Variants in PPARD observed in about 807,000 individuals in gnomAD.
PPARD encodes the protein peroxisome proliferator activated receptor delta, also known as peroxisome proliferator-activated receptor delta.
In PPARD, 6 loss-of-function variants were observed where a neutral mutation model predicts 39.5. The ratio of observed to expected loss-of-function variants is 0.15; its 90% confidence interval spans 0.08 to 0.30. The LOEUF (loss-of-function observed/expected upper bound fraction) is 0.30, where lower values mean the gene tolerates loss of function less well. Ranked by LOEUF, PPARD falls within the 10% of genes least tolerant of loss-of-function variation. PPARD has a pLI of 1.00. For synonymous variants in PPARD, 210 were observed against 231.3 expected (o/e 0.91, Z 0.83); for missense variants, 397 against 596.8 (o/e 0.67, Z 3.49).
In PPARD at chr6:35,427,377, G is replaced by C. The variant is rs889596081; in HGVS notation, c.*1298G>C. ...CTGGGCCAGGTCTCCGGGGAGGCAG[G>C]GGTCCTGCAGGTCCTGGTGGGTCAG... is the stretch of plus-strand genomic sequence containing the variant. On this transcript the variant is annotated 3_prime_UTR_variant, in exon 8 of 8. Transcript: ENST00000360694. 6.6e-6 allele frequency: 1 copy of C among 152,616 alleles called. No individual in the cohort carries two copies. The highest frequency in any genetic ancestry group is 2.4e-5 in the African/African-American group (1 of 41,470). 9.5% of individuals were successfully genotyped at this position (152,616 alleles called of 1,614,324 possible).
chr6:35,424,236 C>A lies in PPARD; in HGVS notation c.627+88C>A. 6.3e-7 allele frequency: 1 copy of A among 1,591,568 alleles called. No individual in the cohort carries two copies. Among genetic ancestry groups the A allele is most frequent in the South Asian group, 1.1e-5 (1 of 88,228 alleles). On this transcript the variant is annotated intron_variant, in intron 6 of 7. Transcript: ENST00000360694. The surrounding 1 kb of genome is among the most constrained non-coding windows in gnomAD (Gnocchi z 7.1). ...TGACTCCGGGAGAGCCAGGCCTTCT[C>A]CCTCCCTCAACTTCATGGTGCAGGC...
At position 35,375,270 on chromosome 6, in the gene PPARD, T is replaced by C. The variant is rs547854607; in HGVS notation, c.-102+28120T>C. Among the ~76,000 whole-genome samples, 64 of 130,430 alleles carry C rather than the reference T, an allele frequency of 4.9e-4. 5 individuals are homozygous for C. Among genetic ancestry groups the C allele is most frequent in the Middle Eastern group, 9.9e-3 (2 of 202 alleles). The allele number at this position is 130,430 out of a possible 152,430, so 85.6% of individuals were successfully genotyped here. On this transcript the variant is annotated intron_variant, in intron 2 of 7. Coordinates refer to ENST00000360694, the MANE Select transcript of PPARD (RefSeq NM_006238.5). ...TCTTGCTCTGTCACCCAGGCTGGAGTGCAGTGGTGTAATCTCAGCTCAGCG... is the reference window on the plus strand; with the variant it reads ...TCTTGCTCTGTCACCCAGGCTGGAGCGCAGTGGTGTAATCTCAGCTCAGCG...
intron 2 of PPARD, among the ~76,000 whole-genome samples, chr6:35,352,420 A>G (rs952987791): frequency 6.6e-6 from 1 of 151,510 alleles, no homozygotes; most frequent in African/African-American, 2.4e-5. Context: ...TCCTGACCTC[A>G]TGATCTGCCC....
intron 2 of PPARD, among the ~76,000 whole-genome samples, chr6:35,361,592 A>C (rs1460755132): frequency 1.3e-5 from 2 of 152,184 alleles, no homozygotes; most frequent in Non-Finnish European, 2.9e-5. Flanking sequence ...ACCTGAGTCC[A>C]GTGATTGTTT....
At chr6:35,408,306 T>C (rs1215140701) in intron 2 of PPARD, among the ~76,000 whole-genome samples, 1 of 152,194 alleles carries the variant, frequency 6.6e-6, no homozygotes, top group Non-Finnish European at 1.5e-5. Flanking sequence ...ACACTGTAGC[T>C]GCAAGAGAGC....
chr6:35,424,367 A>G lies in PPARD; in HGVS notation c.666A>G (p.Ala222=), dbSNP rs1257039633. 6.2e-7 allele frequency: 1 copy of G among 1,612,800 alleles called. No homozygotes were observed. The highest frequency in any genetic ancestry group is 8.5e-7 in the Non-Finnish European group (1 of 1,179,064). The change falls in exon 7 of 8, where the codon GCA becomes GCG. Residue 222 remains alanine, a synonymous_variant. Transcript: ENST00000360694. The surrounding 1 kb of genome is among the most constrained non-coding windows in gnomAD (Gnocchi z 7.1). Reference sequence around the variant, plus strand: ...ACGACATCGAGACATTGTGGCAGGCAGAGAAGGGGCTGGTGTGGAAGCAGT... The same window carrying G: ...ACGACATCGAGACATTGTGGCAGGCGGAGAAGGGGCTGGTGTGGAAGCAGT... ...VIHDIETLWQ[A]EKGLVWKQLV... is the part of the protein sequence containing the mutation.
chr6:35,384,314 C>G (rs1461034579), intron 2 of PPARD, among the ~76,000 whole-genome samples: 35 of 118,386 alleles, frequency 3.0e-4, no homozygotes, highest in East Asian at 8.9e-4. Flanking sequence ...GAGGTCGGGG[C>G]GTCAGCCTCC....
At chr6:35,369,960 A>G (rs935900498) in intron 2 of PPARD, among the ~76,000 whole-genome samples, 9 of 152,204 alleles carry the variant, frequency 5.9e-5, no homozygotes, top group African/African-American at 2.2e-4. Flanking sequence ...ATATGTGCAA[A>G]TTTTGAATGA....
Position 35,427,112 on chromosome 6 carries a change from GC to G in PPARD, c.*1036del. ...CCGCCAGCACTCCCACTGCCCCCCT[GC>G]CCAGTAGCAGCCGCCCACATTGTGT... On this transcript the variant is annotated 3_prime_UTR_variant, in exon 8 of 8. Transcript: ENST00000360694. The G allele has an allele frequency of 6.5e-6, 1 of 153,548 alleles. No homozygotes were observed. Among genetic ancestry groups the G allele is most frequent in the Non-Finnish European group, 1.5e-5 (1 of 68,960 alleles). The allele number at this position is 153,548 out of a possible 1,614,324, so 9.5% of individuals were successfully genotyped here.
At chr6:35,398,032 GGTACTTAATATA>G (rs2150711150) in intron 2 of PPARD, among the ~76,000 whole-genome samples, 1 of 152,296 alleles carries the variant, frequency 6.6e-6, no homozygotes, top group African/African-American at 2.4e-5. Context: ...CCGTGTGCCT[GGTACTTAATATA>G]CCAGAAGGAG....
intron 3 of PPARD, among the ~76,000 whole-genome samples, chr6:35,419,879 C>A (rs952301871): frequency 1.3e-5 from 2 of 152,218 alleles, no homozygotes; most frequent in African/African-American, 4.8e-5. Context: ...ATGGTAATAG[C>A]TGCTGTGTAC....
chr6:35,350,915 C>T (rs59654131), intron 2 of PPARD, among the ~76,000 whole-genome samples: 14,499 of 152,246 alleles, frequency 0.095, 1,263 homozygotes, highest in African/African-American at 0.23. Flanking sequence ...GCATGAGCCA[C>T]CGCGCCTGGG....
At chr6:35,388,938 C>A (rs1250119267) in intron 2 of PPARD, among the ~76,000 whole-genome samples, 1 of 152,208 alleles carries the variant, frequency 6.6e-6, no homozygotes, top group East Asian at 1.9e-4. Flanking sequence ...CAGTGCCTGC[C>A]CTCTGTGGGC....
intron 2 of PPARD, among the ~76,000 whole-genome samples, chr6:35,355,312 C>T (rs1245268765): frequency 2.0e-5 from 3 of 151,988 alleles, no homozygotes; most frequent in East Asian, 1.9e-4. Context: ...TATCTGGGCA[C>T]GGTGGCGCAC....
At chr6:35,374,007 T>C (rs1390517518) in intron 2 of PPARD, among the ~76,000 whole-genome samples, 1 of 152,132 alleles carries the variant, frequency 6.6e-6, no homozygotes, top group East Asian at 1.9e-4. Context: ...GGGCACTGGG[T>C]AACTGATTAC....
At chr6:35,407,864 C>T (rs924348716) in intron 2 of PPARD, among the ~76,000 whole-genome samples, 2 of 151,002 alleles carry the variant, frequency 1.3e-5, no homozygotes, top group African/African-American at 4.9e-5. Context: ...TGCTAGGGTC[C>T]TTTTTCCAGT....
chr6:35,352,822 A>G (rs1437544987), intron 2 of PPARD, among the ~76,000 whole-genome samples: 1 of 152,338 alleles, frequency 6.6e-6, no homozygotes, highest in Non-Finnish European at 1.5e-5. Context: ...GAGCAGAAGC[A>G]TTCCCAAAAT....
In PPARD at chr6:35,426,487, T is replaced by G; in HGVS notation, c.*408T>G. ...ACAGGACCTCTGCTTTTGCACACCT[T>G]TTCCCCAGGAGCAGAAGAGAGTGGG... is the stretch of plus-strand genomic sequence containing the variant. On this transcript the variant is annotated 3_prime_UTR_variant, in exon 8 of 8. Coordinates refer to ENST00000360694, the MANE Select transcript of PPARD (RefSeq NM_006238.5). The G allele has an allele frequency of 5.0e-6, 1 of 199,226 alleles. No homozygotes were observed. Among genetic ancestry groups the G allele is most frequent in the Non-Finnish European group, 1.0e-5 (1 of 97,306 alleles). 12.3% of individuals were successfully genotyped at this position (199,226 alleles called of 1,614,324 possible).
Position 35,424,125 on chromosome 6 carries a change from A to C in PPARD, c.604A>C (p.Thr202Pro), listed in dbSNP as rs1766407639. The change falls in exon 6 of 8, where the codon ACC becomes CCC. Residue 202 changes from threonine (T) to proline (P), a missense_variant. Coordinates refer to ENST00000360694, the MANE Select transcript of PPARD (RefSeq NM_006238.5). The surrounding 1 kb of genome is among the most constrained non-coding windows in gnomAD (Gnocchi z 7.1). Reference protein sequence around the residue: ...MTKKKARSILTGKASHTAPFV... With the variant: ...MTKKKARSILPGKASHTAPFV... Reference sequence around the variant, plus strand: ...CAAAAAGAAGGCCCGCAGCATCCTCACCGGCAAAGCCAGCCACACGGCGGT... The same window carrying C: ...CAAAAAGAAGGCCCGCAGCATCCTCCCCGGCAAAGCCAGCCACACGGCGGT... 1 of 1,613,068 alleles carries C rather than the reference A, an allele frequency of 6.2e-7. No homozygotes were observed. The highest frequency in any genetic ancestry group is 8.5e-7 in the Non-Finnish European group (1 of 1,180,026).
Sources: allele counts gnomAD v4.1 joint callset (sites outside exome capture counted in the v4.1 genomes callset), GRCh38; gene constraint gnomAD v4.1.1; non-coding constraint Gnocchi (gnomAD v3.1); transcripts MANE v1.5; gene names NCBI Gene and HGNC (gene_info 2026-07-23, HGNC 2026-07-21).